The following FAM13A variants were observed in gnomAD, a reference collection of about 807,000 sequenced individuals.
FAM13A encodes the protein protein FAM13A.
Under a neutral mutation model 129.6 loss-of-function variants are expected in FAM13A, and 76 were observed. That is an observed-to-expected ratio of 0.59 (90% CI 0.49 to 0.71). The LOEUF is 0.71. Ranked by LOEUF, FAM13A falls within the 30% of genes least tolerant of loss-of-function variation. FAM13A has a pLI of 0.00. For missense variants in FAM13A, 1,108 were observed against 1,249.3 expected, an observed-to-expected ratio of 0.89 and a Z score of 1.70; for synonymous variants, 443 against 449.9, an observed-to-expected ratio of 0.98 and a Z score of 0.20.
chr4:88,858,288 AT>A (rs1485456869), intron 6 of FAM13A, among the ~76,000 whole-genome samples: 3 of 152,208 alleles, frequency 2.0e-5, no homozygotes, highest in Non-Finnish European at 4.4e-5. Context: ...TTACAAAGTT[AT>A]TTGCTCAATT....
intron 6 of FAM13A, among the ~76,000 whole-genome samples, chr4:88,878,567 GT>G (rs1007154378): frequency 8.6e-4 from 131 of 152,096 alleles, no homozygotes; most frequent in African/African-American, 3.0e-3. Flanking sequence ...ATAGAACTTT[GT>G]TTTCTTATTT....
At position 88,938,235 on chromosome 4, in the gene FAM13A, T is replaced by A. The variant is rs1175103955; in HGVS notation, c.612A>T (p.Pro204=). Residue 204 remains proline (P), a synonymous_variant, in exon 5 of 24, where the codon CCA becomes CCT. Coordinates refer to ENST00000264344, the MANE Select transcript of FAM13A (RefSeq NM_014883.4). ...GTTCCTTCATGCCTTCAAGCCCAGG[T>A]GGCACACTAGAAACAAGAAAGGGAA... ...TVFGPNCFHV[P]PGLEGMKEQD... 6.2e-7 allele frequency: 1 copy of A among 1,603,116 alleles called. No individual in the cohort carries two copies. The highest frequency in any genetic ancestry group is 1.1e-5 in the South Asian group (1 of 88,382).
chr4:88,778,357 T>C (rs1722171420), intron 11 of FAM13A, among the ~76,000 whole-genome samples: 1 of 152,224 alleles, frequency 6.6e-6, no homozygotes, highest in East Asian at 1.9e-4. Context: ...GGAATCATCT[T>C]TGACTCCTCT....
At chr4:88,910,638 C>G (rs1380080884) in intron 5 of FAM13A, among the ~76,000 whole-genome samples, 2 of 151,564 alleles carry the variant, frequency 1.3e-5, no homozygotes, top group Non-Finnish European at 2.9e-5. Context: ...CAACCTTAAA[C>G]TTACTGGTTT....
chr4:88,991,693 A>T (rs1762943105), intron 3 of FAM13A, among the ~76,000 whole-genome samples: 1 of 152,192 alleles, frequency 6.6e-6, no homozygotes, highest in Admixed American at 6.5e-5. Context: ...ACCATGGGGG[A>T]TGCTAAACTT....
intron 6 of FAM13A, among the ~76,000 whole-genome samples, chr4:88,860,015 C>T (rs11724744): frequency 6.6e-6 from 1 of 152,020 alleles, no homozygotes; most frequent in African/African-American, 2.4e-5. Context: ...TTTCCCCCTC[C>T]CTTGCTGCCT....
Position 88,749,841 on chromosome 4 carries a change from C to T in FAM13A, c.2009G>A (p.Arg670Gln), listed in dbSNP as rs770942446. 6.8e-6 allele frequency: 11 copies of T among 1,614,134 alleles called. No individual in the cohort carries two copies. The Admixed American group carries it at 8.3e-5, about 12-fold the overall frequency. The change falls in exon 16 of 24, where the codon CGA (arginine) becomes CAA (glutamine). Residue 670 changes from arginine to glutamine, a missense_variant. Physicochemically the swap from Arg to Gln is conservative, Grantham distance 43. This residue lies in a region of FAM13A where 529 missense variants were observed against 621.2 expected (regional missense o/e 0.85). Transcript: ENST00000264344. ...CTTCTTTTTAAGGCTCTGAATCCTT[C>T]GTGTGAGCTGGGCAGGTGTCAGGTC... ...QEDLTPAQLTRRIQSLKKKIR... is the reference protein window; with the variant it reads ...QEDLTPAQLTQRIQSLKKKIR...
intron 1 of FAM13A, among the ~76,000 whole-genome samples, chr4:89,051,354 T>G (rs1194512795): frequency 6.6e-6 from 1 of 152,150 alleles, no homozygotes; most frequent in African/African-American, 2.4e-5. Flanking sequence ...GTCCCATTCA[T>G]GAGGGCATCA....
chr4:88,736,219 T>G (rs1475430595), intron 21 of FAM13A: 1 of 152,320 alleles, frequency 6.6e-6, no homozygotes, highest in South Asian at 2.1e-4. Context: ...GTTTACAGCA[T>G]TTTCATAAAA....
chr4:88,897,549 T>C (rs1227424359), intron 6 of FAM13A, among the ~76,000 whole-genome samples: 8 of 152,234 alleles, frequency 5.3e-5, no homozygotes, highest in Non-Finnish European at 1.2e-4. Context: ...AAGCCATTTC[T>C]GGATTACCAT....
chr4:88,863,627 C>T (rs1207829985), intron 6 of FAM13A, among the ~76,000 whole-genome samples: 1 of 152,094 alleles, frequency 6.6e-6, no homozygotes, highest in Non-Finnish European at 1.5e-5. Context: ...ATTTGACTTG[C>T]GGGGACTATG....
intron 7 of FAM13A, among the ~76,000 whole-genome samples, chr4:88,825,997 C>T (rs1055253519): frequency 1.3e-5 from 2 of 152,188 alleles, no homozygotes; most frequent in African/African-American, 4.8e-5. Flanking sequence ...CTACCCCAGC[C>T]ACTGCCAGAG....
intron 5 of FAM13A, among the ~76,000 whole-genome samples, chr4:88,925,643 T>C (rs967283030): frequency 6.6e-6 from 1 of 151,602 alleles, no homozygotes; most frequent in Admixed American, 6.6e-5. Flanking sequence ...TGTATACATA[T>C]GTAACTAACC....
At chr4:88,739,924 G>GATTC in intron 19 of FAM13A, among the ~76,000 whole-genome samples, 1 of 152,112 alleles carries the variant, frequency 6.6e-6, no homozygotes, top group South Asian at 2.1e-4. Context: ...TACATGAACT[G>GATTC]ATTCATCTGT....
chr4:88,812,100 T>C (rs1578773508), intron 7 of FAM13A, among the ~76,000 whole-genome samples: 1 of 152,142 alleles, frequency 6.6e-6, no homozygotes, highest in Non-Finnish European at 1.5e-5. Flanking sequence ...AAGGCCCTTG[T>C]CAGATATGAG....
At chr4:88,836,152 T>C (rs1008150266) in intron 7 of FAM13A, among the ~76,000 whole-genome samples, 1 of 152,182 alleles carries the variant, frequency 6.6e-6, no homozygotes, top group African/African-American at 2.4e-5. Flanking sequence ...AAAAAATTCA[T>C]ACATAAAAGA....
chr4:89,042,981 A>T (rs1770356537), intron 1 of FAM13A, among the ~76,000 whole-genome samples: 1 of 152,248 alleles, frequency 6.6e-6, no homozygotes, highest in African/African-American at 2.4e-5. Context: ...AACCACACAG[A>T]TGAAGACGAT....
rs1313754134 is a variant in FAM13A at position 88,731,311 on chromosome 4, G to A, written c.2945+16C>T. ...GCGGCGGGGGGGAAGGGAGGGTGGG[G>A]GAAGACAGGCACTACCTTCCATTCT... is the stretch of plus-strand genomic sequence containing the variant. On this transcript the variant is annotated intron_variant, in intron 23 of 23. Transcript: ENST00000264344. 1.2e-5 allele frequency: 18 copies of A among 1,465,954 alleles called. 1 individual carries two copies. The Admixed American group carries it at 3.0e-4, about 25-fold the overall frequency. 90.8% of individuals were successfully genotyped at this position (1,465,954 alleles called of 1,614,324 possible). A position where few individuals can be genotyped will look rare whatever the true frequency, so the allele number is the denominator to read the frequency against.
At chr4:88,731,954 G>A in intron 22 of FAM13A, 48 bp downstream of exon 22, 1 of 1,412,952 alleles carries the variant, frequency 7.1e-7, no homozygotes, top group Non-Finnish European at 9.7e-7. Flanking sequence ...ATATTTAAGT[G>A]AGCTATTTTT....
Sources: gnomAD v4.1 joint callset for allele counts (sites outside exome capture counted in the v4.1 genomes callset) on GRCh38, gnomAD v4.1.1 for gene constraint, gnomAD v4.1.1 regional missense constraint, MANE v1.5 for transcripts, NCBI Gene and HGNC (gene_info 2026-07-23, HGNC 2026-07-21) for gene names.